PARD3B: variants seen among roughly 807,000 people sequenced by gnomAD.
PARD3B encodes par-3 family cell polarity regulator beta.
A neutral mutation model predicts 130.2 loss-of-function variants in PARD3B; 103 were observed. That is an observed-to-expected ratio of 0.79 (90% CI 0.67 to 0.93). PARD3B has a LOEUF of 0.93. Ranked by LOEUF, PARD3B falls within the 40% of genes least tolerant of loss-of-function variation. PARD3B has a pLI of 0.00. For missense variants in PARD3B, 1,609 were observed against 1,499.2 expected, an observed-to-expected ratio of 1.07 and a Z score of -1.21; for synonymous variants, 583 against 553.2, an observed-to-expected ratio of 1.05 and a Z score of -0.76.
intron 2 of PARD3B, among the ~76,000 whole-genome samples, chr2:204,734,659 A>G (rs2039666320): frequency 6.6e-6 from 1 of 152,214 alleles, no homozygotes; most frequent in African/African-American, 2.4e-5. Context: ...CAGAGACTGT[A>G]TACTATAATA....
Position 205,525,504 on chromosome 2 carries a change from G to A in PARD3B, c.3180+25473G>A, listed in dbSNP as rs147436447. On this transcript the variant is annotated intron_variant, in intron 21 of 22. Coordinates refer to ENST00000406610, the MANE Select transcript of PARD3B (RefSeq NM_001302769.2). The surrounding 1 kb of genome is among the most constrained non-coding windows in gnomAD (Gnocchi z 4.2). ...AAAAGGTTTAATTTTTTCTGTCAAC[G>A]TGCATTGTTGTAATTATTAAAGATA... is the stretch of plus-strand genomic sequence containing the variant. Among the ~76,000 whole-genome samples, 445 of 152,190 alleles carry A rather than the reference G, an allele frequency of 2.9e-3. 1 individual carries two copies. Among genetic ancestry groups the A allele is most frequent in the African/African-American group, 0.01 (423 of 41,524 alleles).
At chr2:205,170,504 G>A (rs192754412) in intron 11 of PARD3B, among the ~76,000 whole-genome samples, 7 of 152,156 alleles carry the variant, frequency 4.6e-5, no homozygotes, top group East Asian at 1.9e-4. Flanking sequence ...TTTCTTCCCC[G>A]AGTGGGTGTG....
intron 22 of PARD3B, among the ~76,000 whole-genome samples, chr2:205,582,850 GAA>G (rs1218241828): frequency 6.6e-6 from 1 of 152,090 alleles, no homozygotes; most frequent in African/African-American, 2.4e-5. Flanking sequence ...GGAAAAAAAA[GAA>G]GGGATGAGGA....
At chr2:205,334,686 G>A (rs1297926728) in intron 18 of PARD3B, among the ~76,000 whole-genome samples, 1 of 152,142 alleles carries the variant, frequency 6.6e-6, no homozygotes, top group Admixed American at 6.6e-5. Flanking sequence ...CAAAAATGAG[G>A]GTCTGTTGAG....
At chr2:205,245,953 G>C in intron 16 of PARD3B, 131 bp downstream of exon 16, 1 of 698,118 alleles carries the variant, frequency 1.4e-6, no homozygotes, top group Non-Finnish European at 2.5e-6. Context: ...AGATGTCTCT[G>C]ACTTCCACAA....
At chr2:205,009,015 G>A (rs1216534905) in intron 3 of PARD3B, among the ~76,000 whole-genome samples, 1 of 152,128 alleles carries the variant, frequency 6.6e-6, no homozygotes, top group African/African-American at 2.4e-5. Flanking sequence ...AATATTAAGT[G>A]AAATAAAAGA....
At chr2:205,095,242 T>C (rs1328856387) in intron 4 of PARD3B, among the ~76,000 whole-genome samples, 1 of 152,092 alleles carries the variant, frequency 6.6e-6, no homozygotes, top group Non-Finnish European at 1.5e-5. Flanking sequence ...TAGGGGAAAA[T>C]TAGCTATAAC....
chr2:204,831,785 A>G (rs972320638), intron 2 of PARD3B, among the ~76,000 whole-genome samples: 1 of 152,162 alleles, frequency 6.6e-6, no homozygotes, highest in Non-Finnish European at 1.5e-5. Context: ...AACAACAGGA[A>G]TGTATGAGTT....
intron 2 of PARD3B, among the ~76,000 whole-genome samples, chr2:204,875,351 A>G (rs79158736): frequency 0.067 from 10,243 of 152,240 alleles, 410 homozygotes; most frequent in Middle Eastern, 0.11. Flanking sequence ...TGTACACCTT[A>G]AGCATAGTGA....
intron 1 of PARD3B, among the ~76,000 whole-genome samples, chr2:204,663,963 T>C (rs1189534959): frequency 2.6e-5 from 4 of 152,188 alleles, no homozygotes; most frequent in African/African-American, 7.2e-5. Context: ...GTACAAGTAA[T>C]GGACAGCAGA....
At chr2:204,974,849 TC>T (rs1368941752) in intron 3 of PARD3B, among the ~76,000 whole-genome samples, 2 of 152,208 alleles carry the variant, frequency 1.3e-5, no homozygotes, top group African/African-American at 4.8e-5. Flanking sequence ...GTCACTCCCT[TC>T]AGTTAATCAA....
intron 2 of PARD3B, among the ~76,000 whole-genome samples, chr2:204,753,033 G>T (rs1019909691): frequency 5.9e-5 from 9 of 152,132 alleles, no homozygotes; most frequent in Admixed American, 3.9e-4. Flanking sequence ...TAAATTTTGG[G>T]TAAGTTTAGG....
chr2:205,248,539 T>G (rs1322476158), intron 16 of PARD3B, among the ~76,000 whole-genome samples: 7 of 151,670 alleles, frequency 4.6e-5, no homozygotes, highest in Non-Finnish European at 1.0e-4. Context: ...AGGTCATCTG[T>G]GACCACTAAG....
rs1345320675 is a variant in PARD3B, at chr2:205,321,726, T to C, written c.2630+20025T>C. 1.3e-5 allele frequency among the ~76,000 whole-genome samples: 2 copies of C among 152,170 alleles called. No individual in the cohort carries two copies. Among genetic ancestry groups the C allele is most frequent in the Non-Finnish European group, 2.9e-5 (2 of 68,016 alleles). ...AAACAAGGAAGGTGGTAATTTCAAA[T>C]ATGATTACAAGTCAAGAAAACCATT... On this transcript the variant is annotated intron_variant, in intron 18 of 22. Transcript: ENST00000406610. The surrounding 1 kb of genome is among the most constrained non-coding windows in gnomAD (Gnocchi z 4.2).
chr2:204,825,004 A>T (rs564606492), intron 2 of PARD3B, among the ~76,000 whole-genome samples: 10 of 152,182 alleles, frequency 6.6e-5, no homozygotes, highest in African/African-American at 2.4e-4. Flanking sequence ...ATCTAATTTG[A>T]TTGGTTTAGG....
chr2:204,900,722 T>A (rs888257481), intron 2 of PARD3B, among the ~76,000 whole-genome samples: 5 of 152,214 alleles, frequency 3.3e-5, no homozygotes, highest in Admixed American at 6.5e-5. Flanking sequence ...TAGGTATTTA[T>A]TGTAGTCTTT....
intron 3 of PARD3B, among the ~76,000 whole-genome samples, chr2:205,034,018 T>G (rs1004658320): frequency 2.4e-4 from 36 of 152,176 alleles, no homozygotes; most frequent in Non-Finnish European, 5.1e-4. Context: ...GAATCGTGTT[T>G]ATTTTAAAAT....
intron 22 of PARD3B, among the ~76,000 whole-genome samples, chr2:205,578,708 A>G (rs2053855363): frequency 6.6e-6 from 1 of 152,244 alleles, no homozygotes; most frequent in South Asian, 2.1e-4. Flanking sequence ...AGATTTTGCT[A>G]TCACATAATA....
intron 1 of PARD3B, among the ~76,000 whole-genome samples, chr2:204,633,349 G>C (rs2034755888): frequency 6.6e-6 from 1 of 152,004 alleles, no homozygotes; most frequent in African/African-American, 2.4e-5. Flanking sequence ...AGATTATTTT[G>C]AAGCAAACCT....
Sources: allele counts gnomAD v4.1 joint callset (sites outside exome capture counted in the v4.1 genomes callset), GRCh38; gene constraint gnomAD v4.1.1; non-coding constraint Gnocchi (gnomAD v3.1); transcripts MANE v1.5; gene names NCBI Gene and HGNC (gene_info 2026-07-23, HGNC 2026-07-21).